FNBP4: variants seen among roughly 807,000 people sequenced by gnomAD.
FNBP4 encodes the protein formin-binding protein 4.
In FNBP4, 34 loss-of-function variants were observed where a neutral mutation model predicts 119.3. That is an observed-to-expected ratio of 0.28 (90% CI 0.22 to 0.38). The LOEUF (loss-of-function observed/expected upper bound fraction) is 0.38. Ranked by LOEUF, FNBP4 falls within the 10% of genes least tolerant of loss-of-function variation. FNBP4 has a pLI of 1.00. For missense variants in FNBP4, 1,112 were observed against 1,228.9 expected, an observed-to-expected ratio of 0.90 and a Z score of 1.42; for synonymous variants, 462 against 430.6, an observed-to-expected ratio of 1.07 and a Z score of -0.90.
At chr11:47,751,966 A>G (rs6485775) in intron 4 of FNBP4, among the ~76,000 whole-genome samples, 89,265 of 151,878 alleles carry the variant, frequency 0.59, 26,550 homozygotes, top group Admixed American at 0.65. Context: ...GTAAATAGAA[A>G]AAAGCAGTTT....
intron 8 of FNBP4, among the ~76,000 whole-genome samples, chr11:47,741,348 A>G (rs887735806): frequency 6.6e-6 from 1 of 151,340 alleles, no homozygotes; most frequent in African/African-American, 2.4e-5. Flanking sequence ...TTTAAAAAAC[A>G]TTTTAGAGAC....
intron 2 of FNBP4, among the ~76,000 whole-genome samples, chr11:47,758,920 A>ATT (rs576200543): frequency 7.2e-4 from 101 of 141,182 alleles, no homozygotes; most frequent in Admixed American, 1.2e-3. Context: ...AGTGTCTCTA[A>ATT]TTTTTTTTTT....
chr11:47,752,853 G>C, intron 4 of FNBP4, 63 bp downstream of exon 4: 2 of 1,387,638 alleles, frequency 1.4e-6, no homozygotes, highest in Non-Finnish European at 9.9e-7. Flanking sequence ...AACCAGAAAA[G>C]TGAATGCCTA....
At chr11:47,729,461 T>C (rs1266227907) in intron 12 of FNBP4, 10 of 985,214 alleles carry the variant, frequency 1.0e-5, no homozygotes, top group Middle Eastern at 5.2e-4. Flanking sequence ...GAAAAATAAA[T>C]AGAACTTTGA....
intron 8 of FNBP4, among the ~76,000 whole-genome samples, chr11:47,739,922 G>A (rs1181891749): frequency 2.6e-5 from 4 of 151,490 alleles, no homozygotes; most frequent in African/African-American, 9.7e-5. Context: ...GGGATTACAG[G>A]CATGCGCCAC....
intron 16 of FNBP4, among the ~76,000 whole-genome samples, chr11:47,719,382 T>G (rs1191936103): frequency 6.6e-6 from 1 of 152,206 alleles, no homozygotes; most frequent in African/African-American, 2.4e-5. Flanking sequence ...TGGTGTGCTC[T>G]CTCATTAACT....
intron 12 of FNBP4, chr11:47,729,749 A>G (rs544906691): frequency 1.0e-6 from 1 of 985,460 alleles, no homozygotes; most frequent in Non-Finnish European, 1.2e-6. Context: ...TTTAAAAGAT[A>G]GCTGGTTTTA....
At chr11:47,722,005 C>A (rs1298120626) in intron 15 of FNBP4, among the ~76,000 whole-genome samples, 7 of 45,664 alleles carry the variant, frequency 1.5e-4, no homozygotes, top group African/African-American at 8.0e-4. Flanking sequence ...ATGTCTCTGA[C>A]TCAAAAAAAA....
At chr11:47,728,690 C>T (rs187654204) in intron 12 of FNBP4, among the ~76,000 whole-genome samples, 1 of 151,952 alleles carries the variant, frequency 6.6e-6, no homozygotes, top group Admixed American at 6.6e-5. Context: ...ACTCGTGCTA[C>T]CAAGCTAGGC....
rs1251973150 is a variant in FNBP4 at position 47,732,973 on chromosome 11, C to G, written c.1687-303G>C. On this transcript the variant is annotated intron_variant, in intron 10 of 16. Coordinates refer to ENST00000263773, the MANE Select transcript of FNBP4 (RefSeq NM_015308.5). This position sits in a 1 kb window ranked among gnomAD's most constrained non-coding sequence, Gnocchi z 4.2. The stretch of plus-strand genomic sequence containing the variant: ...TCTGTACTAAAAATACAAAAATTAG[C>G]TGGGCTTGGTGGCAGGCGCCTGTAA... Among the ~76,000 whole-genome samples, 1 of 152,162 alleles carries G rather than the reference C, an allele frequency of 6.6e-6. No homozygotes were observed. Among genetic ancestry groups the G allele is most frequent in the Non-Finnish European group, 1.5e-5 (1 of 68,040 alleles).
chr11:47,718,447 C>T (rs561818656), intron 16 of FNBP4, among the ~76,000 whole-genome samples: 11 of 151,450 alleles, frequency 7.3e-5, no homozygotes, highest in African/African-American at 2.2e-4. Flanking sequence ...CTCCTGACCT[C>T]GTGATCCACC....
chr11:47,729,080 G>A (rs1565126619), intron 12 of FNBP4: 1 of 784,884 alleles, frequency 1.3e-6, no homozygotes, highest in Non-Finnish European at 1.5e-6. Context: ...TTGAACTCTT[G>A]ACCTCAGGTG....
At chr11:47,730,832 G>A (rs1177198543) in intron 12 of FNBP4, among the ~76,000 whole-genome samples, 1 of 152,184 alleles carries the variant, frequency 6.6e-6, no homozygotes, top group African/African-American at 2.4e-5. Flanking sequence ...ATTGCCAATT[G>A]TTTTAGACCA....
chr11:47,755,539 T>TCGGGAGGATCTGAGG (rs1230756566), intron 2 of FNBP4, among the ~76,000 whole-genome samples: 6 of 151,520 alleles, frequency 4.0e-5, no homozygotes, highest in Non-Finnish European at 8.8e-5. Flanking sequence ...CCCAACTTCT[T>TCGGGAGGATCTGAGG]CGGGAGGATC....
At position 47,719,937 on chromosome 11, in the gene FNBP4, C is replaced by T; in HGVS notation, c.2955G>A (p.Gln985=). 1 of 1,613,782 alleles carries T rather than the reference C, an allele frequency of 6.2e-7. No homozygotes were observed. Among genetic ancestry groups the T allele is most frequent in the South Asian group, 1.1e-5 (1 of 91,040 alleles). Residue 985 remains glutamine (Q), a synonymous_variant, in exon 16 of 17, where the codon CAG becomes CAA. Transcript: ENST00000263773. ...QKRIEEWKQQ[Q]LVSGMAERNA... The stretch of plus-strand genomic sequence containing the variant: ...GTTTCCTTTTCTTTTACCTAACCAG[C>T]TGCTGCTGTTTCCACTCTTCAATTC...
intron 2 of FNBP4, among the ~76,000 whole-genome samples, chr11:47,760,011 T>C (rs1332127584): frequency 1.3e-5 from 2 of 152,068 alleles, no homozygotes; most frequent in East Asian, 3.8e-4. Flanking sequence ...TATAATCACT[T>C]TCAGTAAAAA....
At chr11:47,742,958 T>C (rs1374226129) in intron 8 of FNBP4, among the ~76,000 whole-genome samples, 5 of 152,016 alleles carry the variant, frequency 3.3e-5, no homozygotes, top group Non-Finnish European at 7.4e-5. Flanking sequence ...AACACCTGTA[T>C]TGTTGTTTTT....
In FNBP4 at chr11:47,732,489, G is replaced by A; in HGVS notation, c.1820+48C>T. On this transcript the variant is annotated intron_variant, in intron 11 of 16. Transcript: ENST00000263773. This position sits in a 1 kb window ranked among gnomAD's most constrained non-coding sequence, Gnocchi z 4.2. ...TCAGATGGTGGTGATCACAAATCAT[G>A]TCTGAGATGTCAAAGGTGAAAGGTG... is the stretch of plus-strand genomic sequence containing the variant. 1 of 1,612,166 alleles carries A rather than the reference G, an allele frequency of 6.2e-7. No homozygotes were observed. The highest frequency in any genetic ancestry group is 8.5e-7 in the Non-Finnish European group (1 of 1,178,592).
At chr11:47,718,097 C>G (rs2097551590) in intron 16 of FNBP4, among the ~76,000 whole-genome samples, 1 of 151,742 alleles carries the variant, frequency 6.6e-6, no homozygotes. Flanking sequence ...CCATTAAAGG[C>G]ACACTGAAGA....
Sources: allele counts gnomAD v4.1 joint callset (sites outside exome capture counted in the v4.1 genomes callset), GRCh38; gene constraint gnomAD v4.1.1; non-coding constraint Gnocchi (gnomAD v3.1); transcripts MANE v1.5; gene names NCBI Gene and HGNC (gene_info 2026-07-23, HGNC 2026-07-21).